The following NCK1 variants were observed in gnomAD, a reference collection of about 807,000 sequenced individuals.
NCK1 encodes NCK adaptor protein 1, also known as SH2/SH3 adapter protein NCK1.
A neutral mutation model predicts 36.6 loss-of-function variants in NCK1; 19 were observed. The ratio of observed to expected loss-of-function variants is 0.52; its 90% CI spans 0.36 to 0.76. The LOEUF (loss-of-function observed/expected upper bound fraction) is 0.76, where lower values mean the gene tolerates loss of function less well. Among genes scored for constraint, NCK1 ranks in the 30% least tolerant of loss-of-function variants. NCK1 has a pLI of 0.00. For missense variants in NCK1, 358 were observed against 445.6 expected (o/e 0.80, Z 1.77); for synonymous variants, 165 against 156.0 (o/e 1.06, Z -0.43).
At chr3:136,874,785 AC>A (rs1938720513) in intron 1 of NCK1, among the ~76,000 whole-genome samples, 1 of 142,300 alleles carries the variant, frequency 7.0e-6, no homozygotes, top group South Asian at 2.4e-4. Context: ...CCTGTGGAAG[AC>A]TGAAATCTTG....
chr3:136,863,281 G>T (rs374473320), intron 1 of NCK1, among the ~76,000 whole-genome samples: 1 of 152,112 alleles, frequency 6.6e-6, no homozygotes, highest in East Asian at 1.9e-4. Context: ...GTTGCCAAAA[G>T]GTACTCATTT....
intron 1 of NCK1, among the ~76,000 whole-genome samples, chr3:136,920,932 T>C (rs1940093366): frequency 6.6e-6 from 1 of 152,166 alleles, no homozygotes; most frequent in African/African-American, 2.4e-5. Context: ...TAAAAACAAA[T>C]GTTATGAACT....
chr3:136,880,139 G>A (rs989198000), intron 1 of NCK1, among the ~76,000 whole-genome samples: 6 of 152,038 alleles, frequency 3.9e-5, no homozygotes, highest in Non-Finnish European at 8.8e-5. Context: ...AAAAAAATTA[G>A]CCGGGTGTGG....
chr3:136,930,460 G>C (rs1311856409), intron 2 of NCK1: 3 of 1,271,108 alleles, frequency 2.4e-6, no homozygotes, highest in Non-Finnish European at 3.0e-6. Flanking sequence ...ACATGGATTG[G>C]GTGTGGGAAG....
chr3:136,943,184 C>T (rs1355264732), intron 2 of NCK1, among the ~76,000 whole-genome samples: 1 of 151,710 alleles, frequency 6.6e-6, no homozygotes, highest in Non-Finnish European at 1.5e-5. Context: ...AAAGTTGAGT[C>T]TGACAGTATT....
chr3:136,899,549 A>G, intron 1 of NCK1: 1 of 547,922 alleles, frequency 1.8e-6, no homozygotes. Flanking sequence ...GTTTGGTGTT[A>G]TTAGCACTAT....
chr3:136,927,982 A>G lies in NCK1; in HGVS notation c.-18-2A>G. Reference sequence around the variant, plus strand: ...ATAAAAATATTTTCCATGTGTTTACAGTGCTGAAGCTGCTGAAAGATGGCA... The same window carrying G: ...ATAAAAATATTTTCCATGTGTTTACGGTGCTGAAGCTGCTGAAAGATGGCA... On this transcript the variant is annotated splice_acceptor_variant, in intron 1 of 3. Coordinates refer to ENST00000481752, the MANE Select transcript of NCK1 (RefSeq NM_001291999.2). LOFTEE classifies it low-confidence loss of function (5UTR_SPLICE). 6.4e-7 allele frequency: 1 copy of G among 1,573,602 alleles called. No homozygotes were observed. Among genetic ancestry groups the G allele is most frequent in the Non-Finnish European group, 8.7e-7 (1 of 1,144,194 alleles).
At chr3:136,864,895 C>G (rs1310359005) in intron 1 of NCK1, among the ~76,000 whole-genome samples, 3 of 145,464 alleles carry the variant, frequency 2.1e-5, no homozygotes, top group African/African-American at 7.6e-5. Context: ...GTAGCTGGGA[C>G]TACAGGTGTG....
At position 136,945,165 on chromosome 3, in the gene NCK1, T is replaced by C. The variant is rs569107038; in HGVS notation, c.227-418T>C. On this transcript the variant is annotated intron_variant, in intron 2 of 3. Transcript: ENST00000481752. ...TAAGATAGAAATAATTTTATTTTTA[T>C]ACAGCTCATTGTAGAATCTAGCTTG... Among the ~76,000 whole-genome samples the C allele has an allele frequency of 7.9e-5, 12 of 152,338 alleles. No individual in the cohort carries two copies. The East Asian group carries it at 2.1e-3, about 27-fold the overall frequency.
chr3:136,926,330 A>C (rs559400894), intron 1 of NCK1, among the ~76,000 whole-genome samples: 1 of 151,838 alleles, frequency 6.6e-6, no homozygotes, highest in African/African-American at 2.4e-5. Flanking sequence ...GCTGGAGTGC[A>C]GTGGCGCGAT....
intron 1 of NCK1, among the ~76,000 whole-genome samples, chr3:136,922,222 C>T (rs1940131355): frequency 6.6e-6 from 1 of 152,162 alleles, no homozygotes; most frequent in African/African-American, 2.4e-5. Flanking sequence ...CAATGTTTGG[C>T]CCTTACCCTC....
chr3:136,879,585 C>T (rs1382739032), intron 1 of NCK1, among the ~76,000 whole-genome samples: 2 of 151,966 alleles, frequency 1.3e-5, no homozygotes, highest in Non-Finnish European at 2.9e-5. Context: ...GCACTATTCA[C>T]AATAGCAAAG....
intron 1 of NCK1, among the ~76,000 whole-genome samples, chr3:136,894,691 G>A (rs1259574317): frequency 6.6e-6 from 1 of 152,128 alleles, no homozygotes; most frequent in Admixed American, 6.5e-5. Flanking sequence ...CATTTCTACA[G>A]TAAGTGTAAA....
intron 1 of NCK1, among the ~76,000 whole-genome samples, chr3:136,919,711 CAT>C (rs1183989924): frequency 6.6e-6 from 1 of 152,052 alleles, no homozygotes; most frequent in Non-Finnish European, 1.5e-5. Flanking sequence ...TTTAATCAGT[CAT>C]ATTGTGTATA....
At chr3:136,890,279 G>T (rs975172626) in intron 1 of NCK1, among the ~76,000 whole-genome samples, 3 of 151,998 alleles carry the variant, frequency 2.0e-5, no homozygotes, top group South Asian at 2.1e-4. Flanking sequence ...AGGGCCGGCC[G>T]GCTGCTCTGA....
chr3:136,895,236 T>C (rs1939360775), intron 1 of NCK1, among the ~76,000 whole-genome samples: 1 of 152,174 alleles, frequency 6.6e-6, no homozygotes, highest in South Asian at 2.1e-4. Flanking sequence ...TAGTCAACTA[T>C]ATGATTCCAT....
At chr3:136,925,456 A>G (rs1320056128) in intron 1 of NCK1, among the ~76,000 whole-genome samples, 1 of 152,200 alleles carries the variant, frequency 6.6e-6, no homozygotes, top group Non-Finnish European at 1.5e-5. Context: ...AGTATAGTAC[A>G]ATATCACAAT....
Position 136,945,861 on chromosome 3 carries a change from G to A in NCK1, c.505G>A (p.Gly169Ser). The change falls in exon 3 of 4, where the codon GGT (glycine) becomes AGT (serine). Residue 169 changes from glycine to serine, a missense_variant. Physicochemically the swap from Gly to Ser is moderately conservative, Grantham distance 56 (BLOSUM62 0). This residue lies in a region of NCK1 where 207 missense variants were observed against 253.4 expected (regional missense o/e 0.82). Coordinates refer to ENST00000481752, the MANE Select transcript of NCK1 (RefSeq NM_001291999.2). ...YVTEEGDSPLGDHVGSLSEKL... is the reference protein window; with the variant it reads ...YVTEEGDSPLSDHVGSLSEKL... ...AACTGAAGAAGGTGACAGTCCTTTG[G>A]GTGACCATGTGGGTTCTCTGTCAGA... 6.2e-7 allele frequency: 1 copy of A among 1,614,134 alleles called. No individual in the cohort carries two copies. The highest frequency in any genetic ancestry group is 1.3e-5 in the African/African-American group (1 of 75,032).
chr3:136,921,614 TA>T (rs1940112973), intron 1 of NCK1, among the ~76,000 whole-genome samples: 2 of 152,214 alleles, frequency 1.3e-5, no homozygotes, highest in African/African-American at 4.8e-5. Context: ...ATGTCGAAGA[TA>T]AACTGGACAC....
Sources: allele counts gnomAD v4.1 joint callset (sites outside exome capture counted in the v4.1 genomes callset), GRCh38; gene constraint gnomAD v4.1.1; regional missense constraint gnomAD v4.1.1; transcripts MANE v1.5; gene names NCBI Gene and HGNC (gene_info 2026-07-23, HGNC 2026-07-21).